Variants in ACMSD observed in about 807,000 individuals in gnomAD.
ACMSD encodes the protein 2-amino-3-carboxymuconate-6-semialdehyde decarboxylase.
ACMSD carries 37 observed loss-of-function variants against 45.9 expected under a neutral mutation model. The ratio of observed to expected loss-of-function variants is 0.81; its 90% CI spans 0.62 to 1.06. The LOEUF (loss-of-function observed/expected upper bound fraction) is 1.06. Among genes scored for constraint, ACMSD ranks in the 50% least tolerant of loss-of-function variants. The pLI is 0.00. For missense variants in ACMSD, 434 were observed against 420.9 expected (o/e 1.03, Z -0.27); for synonymous variants, 138 against 148.8 (o/e 0.93, Z 0.53).
intron 8 of ACMSD, among the ~76,000 whole-genome samples, chr2:134,897,733 T>C (rs540220143): frequency 2.0e-5 from 3 of 152,240 alleles, no homozygotes; most frequent in South Asian, 2.1e-4. Flanking sequence ...TATTTGTAGA[T>C]TGACAAGCCT....
At chr2:134,840,640 C>T (rs1461132666) in intron 1 of ACMSD, among the ~76,000 whole-genome samples, 1 of 152,224 alleles carries the variant, frequency 6.6e-6, no homozygotes, top group Non-Finnish European at 1.5e-5. Flanking sequence ...AGCGGGTTCT[C>T]ACCAGATCTT....
chr2:134,890,432 CTT>C (rs1475871221), intron 8 of ACMSD, among the ~76,000 whole-genome samples: 3 of 151,964 alleles, frequency 2.0e-5, no homozygotes, highest in African/African-American at 7.2e-5. Context: ...TTAAGGGAAA[CTT>C]CAGAGACATA....
intron 8 of ACMSD, among the ~76,000 whole-genome samples, chr2:134,876,241 A>AT (rs1178650459): frequency 2.6e-5 from 4 of 152,130 alleles, no homozygotes; most frequent in African/African-American, 9.7e-5. Context: ...GCTACACTAA[A>AT]TTTTTTAAAA....
intron 5 of ACMSD, among the ~76,000 whole-genome samples, chr2:134,864,535 A>G (rs1338609662): frequency 1.3e-5 from 2 of 152,198 alleles, no homozygotes; most frequent in East Asian, 3.8e-4. Context: ...ATAAGTGAAA[A>G]TTCTTTTAAT....
intron 8 of ACMSD, among the ~76,000 whole-genome samples, chr2:134,882,793 C>T (rs961700868): frequency 2.6e-5 from 4 of 152,172 alleles, no homozygotes; most frequent in African/African-American, 9.7e-5. Context: ...GAAACTTTCT[C>T]CCACAATTAG....
intron 6 of ACMSD, among the ~76,000 whole-genome samples, chr2:134,869,686 A>G (rs1454426963): frequency 6.6e-6 from 1 of 151,516 alleles, no homozygotes; most frequent in Non-Finnish European, 1.5e-5. Flanking sequence ...TTCTGGTTAG[A>G]GGAAAGAGAT....
At chr2:134,868,152 G>A (rs974488548) in intron 6 of ACMSD, among the ~76,000 whole-genome samples, 1 of 152,092 alleles carries the variant, frequency 6.6e-6, no homozygotes, top group Admixed American at 6.6e-5. Context: ...TAGAATTAAA[G>A]GTAGAAGGTC....
intron 9 of ACMSD, among the ~76,000 whole-genome samples, 165 bp downstream of exon 9, chr2:134,898,604 C>CA (rs1035401408): frequency 9.9e-5 from 15 of 151,278 alleles, no homozygotes; most frequent in South Asian, 2.1e-4. Flanking sequence ...TATTAAAGGA[C>CA]AAAAAAAATG....
intron 6 of ACMSD, 140 bp from the exon 7 acceptor site, chr2:134,870,825 C>A: frequency 1.6e-6 from 1 of 642,232 alleles, no homozygotes; most frequent in Non-Finnish European, 2.7e-6. Flanking sequence ...AAAGTAATGT[C>A]CTATATAATA....
At chr2:134,883,657 C>A (rs1689167757) in intron 8 of ACMSD, among the ~76,000 whole-genome samples, 1 of 151,976 alleles carries the variant, frequency 6.6e-6, no homozygotes, top group Admixed American at 6.6e-5. Context: ...CCATGGCTGG[C>A]TAAATTTTTG....
intron 8 of ACMSD, among the ~76,000 whole-genome samples, chr2:134,884,383 T>A (rs1201165225): frequency 6.6e-6 from 1 of 152,164 alleles, no homozygotes; most frequent in Non-Finnish European, 1.5e-5. Flanking sequence ...TACCCCTTCT[T>A]AAAATATATT....
intron 8 of ACMSD, among the ~76,000 whole-genome samples, chr2:134,886,975 TA>T (rs1171189810): frequency 6.6e-6 from 1 of 152,344 alleles, no homozygotes; most frequent in Non-Finnish European, 1.5e-5. Context: ...ATTAAACTTT[TA>T]AACAATTCAA....
At chr2:134,874,561 A>G (rs975392468) in intron 8 of ACMSD, among the ~76,000 whole-genome samples, 2 of 152,220 alleles carry the variant, frequency 1.3e-5, no homozygotes, top group Admixed American at 6.5e-5. Flanking sequence ...TAGAAAGAAA[A>G]TAATGGAACT....
Position 134,885,303 on chromosome 2 carries a change from T to TATATG in ACMSD, c.849+12662_849+12663insATATG, listed in dbSNP as rs1559064787. 7.4e-4 allele frequency among the ~76,000 whole-genome samples: 76 copies of TATATG among 102,570 alleles called. 1 individual carries two copies. Among genetic ancestry groups the TATATG allele is most frequent in the South Asian group, 6.4e-3 (26 of 4,074 alleles). The allele number at this position is 102,570 out of a possible 152,430, so 67.3% of individuals were successfully genotyped here. A position where few individuals can be genotyped will look rare whatever the true frequency, so the allele number is the denominator to read the frequency against. On this transcript the variant is annotated intron_variant, in intron 8 of 9. Coordinates refer to ENST00000356140, the MANE Select transcript of ACMSD (RefSeq NM_138326.3). ...TTATATATTATATTTATATATATAT[T>TATATG]TAAATATATATATATAAATATATAT...
intron 8 of ACMSD, among the ~76,000 whole-genome samples, chr2:134,884,751 T>C (rs949007361): frequency 6.6e-6 from 1 of 152,198 alleles, no homozygotes; most frequent in African/African-American, 2.4e-5. Flanking sequence ...TAGTCTACCA[T>C]GGCCTTCCTC....
At chr2:134,871,649 T>C (rs1688442314) in intron 7 of ACMSD, among the ~76,000 whole-genome samples, 1 of 150,210 alleles carries the variant, frequency 6.7e-6, no homozygotes, top group Non-Finnish European at 1.5e-5. Context: ...CTGGTCCCCA[T>C]AGGTAGTTGA....
intron 2 of ACMSD, among the ~76,000 whole-genome samples, chr2:134,850,213 G>T (rs1327628676): frequency 6.6e-6 from 1 of 151,478 alleles, no homozygotes; most frequent in Non-Finnish European, 1.5e-5. Flanking sequence ...TTCTCAGTTT[G>T]TGTCTGTACA....
chr2:134,886,896 T>C (rs1057453259), intron 8 of ACMSD, among the ~76,000 whole-genome samples: 5 of 152,242 alleles, frequency 3.3e-5, no homozygotes, highest in Admixed American at 2.6e-4. Context: ...TTTAGCAAGA[T>C]TGCAGGACAT....
chr2:134,863,625 CTATGCGGTGAG>C lies in ACMSD; in HGVS notation c.483_486+7del. On this transcript the variant is annotated splice_donor_variant and splice_donor_5th_base_variant and coding_sequence_variant and intron_variant, in exon 5 of 10. Coordinates refer to ENST00000356140, the MANE Select transcript of ACMSD (RefSeq NM_138326.3). LOFTEE classifies it high-confidence loss of function. Reference sequence around the variant, plus strand: ...TGAACGCGCAGGAGCTCTTTCCTGTCTATGCGGTGAGTAGCGGGGCTGCTCAGCCAACGCCA... The same window carrying C: ...TGAACGCGCAGGAGCTCTTTCCTGTCTAGCGGGGCTGCTCAGCCAACGCCA... 3 of 1,614,062 alleles carry C rather than the reference CTATGCGGTGAG, an allele frequency of 1.9e-6. No individual in the cohort carries two copies. The highest frequency in any genetic ancestry group is 2.5e-6 in the Non-Finnish European group (3 of 1,180,022).
Sources: gnomAD v4.1 joint callset for allele counts (sites outside exome capture counted in the v4.1 genomes callset) on GRCh38, gnomAD v4.1.1 for gene constraint, MANE v1.5 for transcripts, NCBI Gene and HGNC (gene_info 2026-07-23, HGNC 2026-07-21) for gene names.